The following GRB10 variants were observed in gnomAD, a reference collection of about 807,000 sequenced individuals.
GRB10 encodes growth factor receptor bound protein 10, also known as growth factor receptor-bound protein 10.
GRB10 carries 20 observed loss-of-function variants against 80.9 expected under a neutral mutation model. The observed-to-expected ratio is 0.25, with a 90% confidence interval of 0.17 to 0.36. The LOEUF is 0.36. Ranked by LOEUF, GRB10 falls within the 10% of genes least tolerant of loss-of-function variation. GRB10 has a pLI of 1.00. For synonymous variants in GRB10, 291 were observed against 291.5 expected (o/e 1.00, Z 0.02); for missense variants, 548 against 747.7 (o/e 0.73, Z 3.12).
At chr7:50,637,756 T>A (rs1455282956) in intron 7 of GRB10, among the ~76,000 whole-genome samples, 3 of 150,610 alleles carry the variant, frequency 2.0e-5, no homozygotes, top group Non-Finnish European at 4.4e-5. Flanking sequence ...ACAGCAATTC[T>A]AAGCAAAAAG....
chr7:50,673,136 A>C (rs1402348886), intron 6 of GRB10, among the ~76,000 whole-genome samples: 1 of 152,156 alleles, frequency 6.6e-6, no homozygotes, highest in Admixed American at 6.5e-5. Flanking sequence ...TAGAAGCAAG[A>C]AGAGCCCAGG....
intron 7 of GRB10, among the ~76,000 whole-genome samples, chr7:50,636,199 G>A (rs562457280): frequency 2.0e-5 from 3 of 151,836 alleles, no homozygotes; most frequent in South Asian, 2.1e-4. Context: ...GGCTGGTCTC[G>A]AACTCATGAG....
intron 13 of GRB10, among the ~76,000 whole-genome samples, chr7:50,611,834 C>A (rs1315139612): frequency 1.3e-5 from 2 of 152,118 alleles, no homozygotes; most frequent in African/African-American, 4.8e-5. Flanking sequence ...TAAAGAAATC[C>A]CTAGACCATT....
rs1211843698 is a variant in GRB10 at position 50,782,841 on chromosome 7, T to C, written c.-744A>G. 6.6e-6 allele frequency: 1 copy of C among 152,108 alleles called. No homozygotes were observed. Among genetic ancestry groups the C allele is most frequent in the Non-Finnish European group, 1.5e-5 (1 of 68,010 alleles). The allele number at this position is 152,108 out of a possible 1,614,324, so 9.4% of individuals were successfully genotyped here. On this transcript the variant is annotated 5_prime_UTR_variant, in exon 1 of 19. Transcript: ENST00000401949. This position sits in a 1 kb window ranked among gnomAD's most constrained non-coding sequence, Gnocchi z 6.6. ...CAGCCTCCGAGGGACTGGGCGCTCC[T>C]GAGGAGCGGGAGGACGACGGAGCAG...
rs2045986177 is a variant in GRB10, at chr7:50,592,991, A to C, written c.1746T>G (p.Pro582=). 2 of 1,614,090 alleles carry C rather than the reference A, an allele frequency of 1.2e-6. No individual in the cohort carries two copies. Among genetic ancestry groups the C allele is most frequent in the African/African-American group, 2.7e-5 (2 of 74,936 alleles). ...DFYQLNKGVL[P]CKLKHHCIRV... ...GGATGCAGTGGTGCTTGAGTTTGCAAGGCAGGACTCCTTTGTTCAGCTGGT... is the reference window on the plus strand; with the variant it reads ...GGATGCAGTGGTGCTTGAGTTTGCACGGCAGGACTCCTTTGTTCAGCTGGT... Residue 582 remains proline, a synonymous_variant, in exon 19 of 19, where the codon CCT becomes CCG. Transcript: ENST00000401949.
intron 3 of GRB10, among the ~76,000 whole-genome samples, chr7:50,744,249 C>G (rs1327306200): frequency 6.6e-6 from 1 of 152,230 alleles, no homozygotes; most frequent in Admixed American, 6.5e-5. Context: ...AGAACCATCA[C>G]AGGCCGGCAG....
At chr7:50,669,124 A>T (rs1164539614) in intron 7 of GRB10, among the ~76,000 whole-genome samples, 1 of 152,252 alleles carries the variant, frequency 6.6e-6, no homozygotes, top group African/African-American at 2.4e-5. Context: ...TTTTCAAAGA[A>T]CTAAGATTCA....
At chr7:50,658,280 T>C (rs2058853126) in intron 7 of GRB10, among the ~76,000 whole-genome samples, 1 of 152,228 alleles carries the variant, frequency 6.6e-6, no homozygotes, top group Admixed American at 6.5e-5. Flanking sequence ...ACCAGCAGGC[T>C]GTTTGCTCGC....
intron 2 of GRB10, among the ~76,000 whole-genome samples, chr7:50,769,420 C>T (rs767698611): frequency 6.6e-6 from 1 of 152,124 alleles, no homozygotes; most frequent in Non-Finnish European, 1.5e-5. Flanking sequence ...CCTTCATATC[C>T]ACCAAAACCA....
intron 4 of GRB10, among the ~76,000 whole-genome samples, chr7:50,731,701 G>C (rs1021120572): frequency 6.6e-6 from 1 of 152,192 alleles, no homozygotes; most frequent in Non-Finnish European, 1.5e-5. Flanking sequence ...CCATGAAGAA[G>C]AGCTAGAGAA....
intron 4 of GRB10, among the ~76,000 whole-genome samples, chr7:50,719,443 A>G (rs1238790411): frequency 6.8e-6 from 1 of 146,652 alleles, no homozygotes; most frequent in Non-Finnish European, 1.5e-5. Flanking sequence ...CAAACACTGC[A>G]TGTTCTCACT....
At chr7:50,602,763 A>T (rs1211648891) in intron 17 of GRB10, among the ~76,000 whole-genome samples, 1 of 152,248 alleles carries the variant, frequency 6.6e-6, no homozygotes, top group Admixed American at 6.5e-5. Flanking sequence ...GATGATAGTA[A>T]GAAATTCTTA....
At chr7:50,665,904 A>C (rs772526204) in intron 7 of GRB10, among the ~76,000 whole-genome samples, 1 of 152,062 alleles carries the variant, frequency 6.6e-6, no homozygotes, top group Non-Finnish European at 1.5e-5. Context: ...ACAGGTTTGA[A>C]ACTCAGCTAT....
chr7:50,639,621 C>T (rs1245711485), intron 7 of GRB10, among the ~76,000 whole-genome samples: 1 of 151,434 alleles, frequency 6.6e-6, no homozygotes, highest in African/African-American at 2.4e-5. Flanking sequence ...TGCAGTGAGC[C>T]GAGATTGCGC....
chr7:50,757,518 T>C (rs1202389152), intron 2 of GRB10, among the ~76,000 whole-genome samples: 2 of 152,254 alleles, frequency 1.3e-5, no homozygotes, highest in Non-Finnish European at 2.9e-5. Context: ...TACATGATTA[T>C]GAGACTGATC....
chr7:50,695,279 C>T (rs996231192), intron 5 of GRB10, among the ~76,000 whole-genome samples: 3 of 152,166 alleles, frequency 2.0e-5, no homozygotes, highest in African/African-American at 7.2e-5. Flanking sequence ...ACTGATGTAT[C>T]AACATCAAAA....
At chr7:50,741,274 C>T (rs139428697) in intron 3 of GRB10, among the ~76,000 whole-genome samples, 43 of 152,264 alleles carry the variant, frequency 2.8e-4, no homozygotes, top group Admixed American at 5.9e-4. Flanking sequence ...GAAAAACAGG[C>T]ATTTGCAAAT....
chr7:50,609,032 G>A (rs1051914104), intron 13 of GRB10, among the ~76,000 whole-genome samples: 5 of 150,512 alleles, frequency 3.3e-5, no homozygotes, highest in East Asian at 1.9e-4. Flanking sequence ...GTACATGTAC[G>A]TATTGGGTTA....
At chr7:50,746,860 T>A (rs1044720806) in intron 3 of GRB10, among the ~76,000 whole-genome samples, 1 of 152,094 alleles carries the variant, frequency 6.6e-6, no homozygotes, top group East Asian at 1.9e-4. Flanking sequence ...CTCGCCTCAA[T>A]TCATGACCTC....
Sources: allele counts gnomAD v4.1 joint callset (sites outside exome capture counted in the v4.1 genomes callset), GRCh38; gene constraint gnomAD v4.1.1; non-coding constraint Gnocchi (gnomAD v3.1); transcripts MANE v1.5; gene names NCBI Gene and HGNC (gene_info 2026-07-23, HGNC 2026-07-21).